Variants in AUTS2 observed in about 807,000 individuals in gnomAD.
The protein encoded by AUTS2 is activator of transcription and developmental regulator AUTS2, also known as autism susceptibility gene 2 protein.
In AUTS2, 17 loss-of-function variants were observed where a neutral mutation model predicts 112.4. That is an observed-to-expected ratio of 0.15 (90% CI 0.10 to 0.23). The LOEUF (loss-of-function observed/expected upper bound fraction) is 0.23, where lower values mean the gene tolerates loss of function less well. AUTS2 is among the 10% of genes least tolerant of loss of function. The pLI is 1.00. For missense variants in AUTS2, 1,510 were observed against 1,701.6 expected, an observed-to-expected ratio of 0.89 and a Z score of 1.98; for synonymous variants, 751 against 702.7, an observed-to-expected ratio of 1.07 and a Z score of -1.09.
At chr7:70,326,044 G>T (rs1019531381) in intron 4 of AUTS2, among the ~76,000 whole-genome samples, 3 of 152,148 alleles carry the variant, frequency 2.0e-5, no homozygotes, top group Admixed American at 6.5e-5. Context: ...CTGCTGATGG[G>T]GACCAGCCTC....
chr7:70,772,783 C>T (rs138968545), intron 11 of AUTS2, among the ~76,000 whole-genome samples: 7 of 152,338 alleles, frequency 4.6e-5, no homozygotes, highest in African/African-American at 7.2e-5. Context: ...ATGACTGCCT[C>T]GTTAAACACC....
chr7:70,760,194 G>A lies in AUTS2; in HGVS notation c.743-2676G>A, dbSNP rs555546013. 1.5e-3 allele frequency among the ~76,000 whole-genome samples: 222 copies of A among 152,062 alleles called. 3 individuals are homozygous for A. Among genetic ancestry groups the A allele is most frequent in the Middle Eastern group, 0.01 (3 of 294 alleles). On this transcript the variant is annotated intron_variant, in intron 6 of 18. Coordinates refer to ENST00000342771, the MANE Select transcript of AUTS2 (RefSeq NM_015570.4). ...CTAATTTTTTGTGTTTTTAGTAGAG[G>A]CAGGGTTTCACCGTGTTAGCCAGGA...
chr7:69,985,730 T>C, intron 2 of AUTS2, among the ~76,000 whole-genome samples: 1 of 152,068 alleles, frequency 6.6e-6, no homozygotes, highest in East Asian at 1.9e-4. Context: ...TGTGGTCTTA[T>C]CTTACCAACC....
At chr7:70,238,381 A>C (rs1284991714) in intron 4 of AUTS2, among the ~76,000 whole-genome samples, 1 of 152,176 alleles carries the variant, frequency 6.6e-6, no homozygotes, top group Non-Finnish European at 1.5e-5. Context: ...GACAGGACCA[A>C]CACTAATGCT....
intron 2 of AUTS2, among the ~76,000 whole-genome samples, chr7:70,018,584 C>G (rs1185817872): frequency 6.6e-6 from 1 of 152,158 alleles, no homozygotes; most frequent in Non-Finnish European, 1.5e-5. Context: ...TAAAAGAGAT[C>G]CCGGTTATAC....
intron 1 of AUTS2, among the ~76,000 whole-genome samples, chr7:69,897,758 GA>G (rs1794813572): frequency 6.6e-6 from 1 of 151,698 alleles, no homozygotes; most frequent in Non-Finnish European, 1.5e-5. Flanking sequence ...CTCTGTCTCA[GA>G]AAAAAAATAT....
Position 69,719,021 on chromosome 7 carries a change from C to G in AUTS2, c.309+119059C>G, listed in dbSNP as rs1163217219. Among the ~76,000 whole-genome samples the G allele has an allele frequency of 2.6e-5, 4 of 152,318 alleles. No individual in the cohort carries two copies. In the South Asian group the frequency reaches 6.2e-4, roughly 24 times the overall value. ...CCCGCCCGCAGGGGTTTTGCACACACATTGTTACATCTCTTCAAAATGGCT... is the reference window on the plus strand; with the variant it reads ...CCCGCCCGCAGGGGTTTTGCACACAGATTGTTACATCTCTTCAAAATGGCT... On this transcript the variant is annotated intron_variant, in intron 1 of 18. Coordinates refer to ENST00000342771, the MANE Select transcript of AUTS2 (RefSeq NM_015570.4).
intron 5 of AUTS2, among the ~76,000 whole-genome samples, chr7:70,630,873 C>T (rs1805222810): frequency 6.6e-6 from 1 of 152,166 alleles, no homozygotes. Context: ...CACTTTGTAA[C>T]ACACATGCAC....
intron 5 of AUTS2, among the ~76,000 whole-genome samples, chr7:70,582,597 G>A (rs719114): frequency 0.14 from 21,187 of 152,222 alleles, 2,113 homozygotes; most frequent in East Asian, 0.55. Flanking sequence ...AGAATTCAAG[G>A]TACAGAAGCA....
intron 1 of AUTS2, among the ~76,000 whole-genome samples, chr7:69,611,226 C>A (rs969255012): frequency 2.0e-5 from 3 of 152,160 alleles, no homozygotes; most frequent in African/African-American, 7.2e-5. Flanking sequence ...CTCTCTGACT[C>A]CCTTAGCATA....
At chr7:69,831,634 T>G (rs896823233) in intron 1 of AUTS2, among the ~76,000 whole-genome samples, 2 of 152,090 alleles carry the variant, frequency 1.3e-5, no homozygotes, top group African/African-American at 4.8e-5. Flanking sequence ...ATTTTTTTTT[T>G]TTTTTAATCA....
chr7:69,896,009 T>C (rs1378942499), intron 1 of AUTS2, among the ~76,000 whole-genome samples: 2 of 152,268 alleles, frequency 1.3e-5, no homozygotes, highest in African/African-American at 2.4e-5. Context: ...TTAGAAGTGG[T>C]ACAATTTAAT....
chr7:69,888,540 G>GAGAT (rs1554399177), intron 1 of AUTS2, among the ~76,000 whole-genome samples: 2 of 99,256 alleles, frequency 2.0e-5, no homozygotes, highest in African/African-American at 4.3e-5. Context: ...CAACATTGGG[G>GAGAT]ATATATATAT....
chr7:69,985,814 A>G (rs191560424), intron 2 of AUTS2, among the ~76,000 whole-genome samples: 6 of 152,018 alleles, frequency 3.9e-5, no homozygotes, highest in Non-Finnish European at 7.4e-5. Context: ...CTGAAGTACA[A>G]TGAAGAATAT....
In AUTS2 at chr7:69,634,224, A is replaced by T. The variant is rs28627125; in HGVS notation, c.309+34262A>T. Among the ~76,000 whole-genome samples the T allele has an allele frequency of 5.3e-3, 803 of 150,552 alleles. 7 individuals are homozygous for T. The highest frequency in any genetic ancestry group is 0.019 in the African/African-American group (774 of 40,818). ...AAGCTCCGCCTCCCGGGTTCACGCC[A>T]TTCTCCTGCCTCAGCCTCCCGAGTA... is the stretch of plus-strand genomic sequence containing the variant. On this transcript the variant is annotated intron_variant, in intron 1 of 18. Coordinates refer to ENST00000342771, the MANE Select transcript of AUTS2 (RefSeq NM_015570.4).
chr7:69,718,743 G>A (rs537312421), intron 1 of AUTS2, among the ~76,000 whole-genome samples: 1 of 152,238 alleles, frequency 6.6e-6, no homozygotes, highest in East Asian at 1.9e-4. Flanking sequence ...CATCTTTGGG[G>A]AGCCATTATT....
intron 2 of AUTS2, among the ~76,000 whole-genome samples, chr7:70,030,617 C>G (rs557567240): frequency 1.3e-5 from 2 of 152,216 alleles, no homozygotes; most frequent in South Asian, 4.1e-4. Context: ...GACTAGCCTT[C>G]TCTTATACTT....
chr7:69,678,104 G>A (rs959655073), intron 1 of AUTS2, among the ~76,000 whole-genome samples: 3 of 152,114 alleles, frequency 2.0e-5, no homozygotes, highest in Non-Finnish European at 4.4e-5. Context: ...AGTGTTTTAA[G>A]TTCTCAGGCT....
At chr7:69,656,498 ATTCC>A (rs1195804155) in intron 1 of AUTS2, among the ~76,000 whole-genome samples, 3 of 152,030 alleles carry the variant, frequency 2.0e-5, no homozygotes, top group Non-Finnish European at 2.9e-5. Flanking sequence ...TTTATCTATC[ATTCC>A]TTTTATTTTA....
Sources: gnomAD v4.1 joint callset for allele counts (sites outside exome capture counted in the v4.1 genomes callset) on GRCh38, gnomAD v4.1.1 for gene constraint, MANE v1.5 for transcripts, NCBI Gene and HGNC (gene_info 2026-07-23, HGNC 2026-07-21) for gene names.